PRKAG2: variants seen among roughly 807,000 people sequenced by gnomAD.
The protein encoded by PRKAG2 is 5'-AMP-activated protein kinase subunit gamma-2.
PRKAG2 carries 26 observed loss-of-function variants against 69.6 expected under a neutral mutation model. That is an observed-to-expected ratio of 0.37 (90% CI 0.27 to 0.52). The LOEUF (loss-of-function observed/expected upper bound fraction) is 0.52. Among genes scored for constraint, PRKAG2 ranks in the 20% least tolerant of loss-of-function variants. PRKAG2 has a pLI of 0.90. For synonymous variants in PRKAG2, 293 were observed against 285.0 expected (o/e 1.03, Z -0.28); for missense variants, 557 against 740.0 (o/e 0.75, Z 2.87).
At chr7:151,737,506 C>T (rs952153976) in intron 3 of PRKAG2, among the ~76,000 whole-genome samples, 67 of 152,322 alleles carry the variant, frequency 4.4e-4, no homozygotes, top group African/African-American at 1.6e-3. Flanking sequence ...TGGCCGCCCA[C>T]TAGGGTGGGA....
At chr7:151,741,259 A>G (rs1212836698) in intron 3 of PRKAG2, among the ~76,000 whole-genome samples, 2 of 152,180 alleles carry the variant, frequency 1.3e-5, no homozygotes, top group African/African-American at 2.4e-5. Flanking sequence ...AAAGCAAAAC[A>G]TCTTTAGGAA....
At chr7:151,597,582 G>GA (rs1286267706) in intron 5 of PRKAG2, among the ~76,000 whole-genome samples, 2 of 151,854 alleles carry the variant, frequency 1.3e-5, no homozygotes, top group Admixed American at 6.6e-5. Context: ...TCAACAGCAG[G>GA]AAAAAAACCC....
intron 1 of PRKAG2, among the ~76,000 whole-genome samples, chr7:151,829,735 TAAA>T (rs1367093175): frequency 1.3e-5 from 2 of 151,882 alleles, no homozygotes; most frequent in Admixed American, 6.6e-5. Context: ...GGATGAAACT[TAAA>T]AACATTTCGT....
chr7:151,729,507 C>T (rs1366039679), intron 3 of PRKAG2, among the ~76,000 whole-genome samples: 3 of 152,070 alleles, frequency 2.0e-5, no homozygotes, highest in Non-Finnish European at 4.4e-5. Context: ...TAATAGTGGG[C>T]TCAGCCCCAG....
At chr7:151,758,763 A>AAT (rs1418364241) in intron 3 of PRKAG2, among the ~76,000 whole-genome samples, 2 of 152,256 alleles carry the variant, frequency 1.3e-5, no homozygotes, top group African/African-American at 4.8e-5. Context: ...ACAAGAAGGC[A>AAT]ATAGGAAGTT....
intron 3 of PRKAG2, among the ~76,000 whole-genome samples, chr7:151,737,703 T>C (rs1485717286): frequency 6.6e-6 from 1 of 152,212 alleles, no homozygotes; most frequent in Non-Finnish European, 1.5e-5. Flanking sequence ...TCATGCCTTT[T>C]CTCTCACCTC....
At chr7:151,789,496 C>T (rs1478916106) in intron 1 of PRKAG2, among the ~76,000 whole-genome samples, 3 of 152,232 alleles carry the variant, frequency 2.0e-5, no homozygotes, top group Non-Finnish European at 4.4e-5. Context: ...CTGTTTGGAT[C>T]TGTGCTCCAA....
intron 4 of PRKAG2, among the ~76,000 whole-genome samples, chr7:151,649,022 T>G (rs1828028291): frequency 6.6e-6 from 1 of 152,154 alleles, no homozygotes; most frequent in African/African-American, 2.4e-5. Flanking sequence ...GTTAAAGGAA[T>G]GTTCTTGTCA....
intron 11 of PRKAG2, among the ~76,000 whole-genome samples, chr7:151,566,948 AC>A: frequency 6.6e-6 from 1 of 152,332 alleles, no homozygotes; most frequent in South Asian, 2.1e-4. Flanking sequence ...GATTCTAATT[AC>A]CATATTGGCC....
intron 1 of PRKAG2, among the ~76,000 whole-genome samples, chr7:151,849,998 G>A (rs183530969): frequency 1.3e-4 from 20 of 152,298 alleles, no homozygotes; most frequent in Middle Eastern, 3.4e-3. Context: ...CCCGCAGCAC[G>A]TTTGCCATTT....
intron 3 of PRKAG2, among the ~76,000 whole-genome samples, chr7:151,733,291 C>T (rs139574602): frequency 4.1e-4 from 63 of 152,352 alleles, no homozygotes; most frequent in Middle Eastern, 3.4e-3. Flanking sequence ...TGGCCTCTTG[C>T]TGTTTCCCAA....
chr7:151,571,942 G>A (rs947994256), intron 9 of PRKAG2, among the ~76,000 whole-genome samples: 20 of 152,144 alleles, frequency 1.3e-4, no homozygotes, highest in African/African-American at 4.3e-4. Context: ...TTCTACCAGT[G>A]TTTCCTTGAG....
chr7:151,616,140 C>T (rs746233924), intron 5 of PRKAG2, among the ~76,000 whole-genome samples: 1 of 152,160 alleles, frequency 6.6e-6, no homozygotes, highest in African/African-American at 2.4e-5. Context: ...GAAGCAAAGG[C>T]GGAATGCATG....
At chr7:151,669,882 T>TTGCATGCACACACACC (rs1554526930) in intron 4 of PRKAG2, among the ~76,000 whole-genome samples, 2 of 73,246 alleles carry the variant, frequency 2.7e-5, no homozygotes, top group East Asian at 3.2e-4. Flanking sequence ...GCACACACAG[T>TTGCATGCACACACACC]TGCATGCACA....
chr7:151,647,174 G>A lies in PRKAG2; in HGVS notation c.685-15036C>T, dbSNP rs117582513. On this transcript the variant is annotated intron_variant, in intron 4 of 15. Transcript: ENST00000287878. ...TTCAGATGAAGCCATTGCAGAGAGA[G>A]AGAAGAACGTGGGTCCTAGGTGACA... Among the ~76,000 whole-genome samples, 218 of 152,338 alleles carry A rather than the reference G, an allele frequency of 1.4e-3. 5 individuals are homozygous for A. In the East Asian group the frequency reaches 0.04, roughly 28 times the overall value.
At chr7:151,845,884 T>C (rs868669570) in intron 1 of PRKAG2, among the ~76,000 whole-genome samples, 73 of 152,174 alleles carry the variant, frequency 4.8e-4, no homozygotes, top group African/African-American at 1.6e-3. Flanking sequence ...TCAGGGTCCC[T>C]CTCCCGGCAT....
At chr7:151,813,826 G>A (rs1335592501) in intron 1 of PRKAG2, among the ~76,000 whole-genome samples, 6 of 152,146 alleles carry the variant, frequency 3.9e-5, no homozygotes, top group African/African-American at 9.7e-5. Flanking sequence ...TGGGCTCCAC[G>A]CTCCGCAGGA....
At chr7:151,766,340 C>T (rs1181332769) in intron 3 of PRKAG2, among the ~76,000 whole-genome samples, 1 of 152,196 alleles carries the variant, frequency 6.6e-6, no homozygotes, top group Non-Finnish European at 1.5e-5. Flanking sequence ...GAGAAACTTA[C>T]AGGAAGAGTC....
At chr7:151,817,552 C>T (rs1256872101) in intron 1 of PRKAG2, among the ~76,000 whole-genome samples, 1 of 152,076 alleles carries the variant, frequency 6.6e-6, no homozygotes, top group African/African-American at 2.4e-5. Flanking sequence ...CCTCATGACC[C>T]TTGGGCCCCG....
Sources: gnomAD v4.1 joint callset for allele counts (sites outside exome capture counted in the v4.1 genomes callset) on GRCh38, gnomAD v4.1.1 for gene constraint, MANE v1.5 for transcripts, NCBI Gene and HGNC (gene_info 2026-07-23, HGNC 2026-07-21) for gene names.